GALNT13: variants seen among roughly 807,000 people sequenced by gnomAD.
GALNT13 encodes the protein polypeptide N-acetylgalactosaminyltransferase 13.
In GALNT13, 28 loss-of-function variants were observed where a neutral mutation model predicts 64.2. The observed-to-expected ratio is 0.44, with a 90% confidence interval of 0.32 to 0.60. The LOEUF is 0.60. Among genes scored for constraint, GALNT13 ranks in the 20% least tolerant of loss-of-function variants. GALNT13 has a pLI of 0.05. For missense variants in GALNT13, 577 were observed against 669.8 expected, an observed-to-expected ratio of 0.86 and a Z score of 1.53; for synonymous variants, 214 against 224.6, an observed-to-expected ratio of 0.95 and a Z score of 0.42.
At chr2:153,646,243 A>G in the GALNT13 span, among the ~76,000 whole-genome samples, 2 of 152,142 alleles carry the variant, frequency 1.3e-5, no homozygotes, top group Non-Finnish European at 2.9e-5. Context: ...AAAAGCCTTT[A>G]TAAGTAATCT....
At chr2:153,589,543 G>A in the GALNT13 span, among the ~76,000 whole-genome samples, 1 of 152,098 alleles carries the variant, frequency 6.6e-6, no homozygotes, top group Non-Finnish European at 1.5e-5. Flanking sequence ...TTATTAGTCT[G>A]TTCTCATGCT....
Position 154,040,164 on chromosome 2 carries a change from TG to T in GALNT13, c.142+95526del, listed in dbSNP as rs1300767480. Among the ~76,000 whole-genome samples, 4 of 140,878 alleles carry T rather than the reference TG, an allele frequency of 2.8e-5. 1 individual carries two copies. Among genetic ancestry groups the T allele is most frequent in the African/African-American group, 9.8e-5 (4 of 40,870 alleles). 92.4% of individuals were successfully genotyped at this position (140,878 alleles called of 152,430 possible). ...ATGGTTCCTGTCTCCAGTGAGTTAT[TG>T]TCCAATGCAGAAGAAAGATACACAC... On this transcript the variant is annotated intron_variant, in intron 3 of 12. Transcript: ENST00000392825.
the GALNT13 span, among the ~76,000 whole-genome samples, chr2:153,462,064 G>T: frequency 6.6e-6 from 1 of 151,764 alleles, no homozygotes; most frequent in Non-Finnish European, 1.5e-5. Context: ...TTACTGTTGC[G>T]CATCCCATAG....
intron 11 of GALNT13, among the ~76,000 whole-genome samples, chr2:154,418,423 G>A (rs72872400): frequency 1.6e-4 from 25 of 152,226 alleles, no homozygotes; most frequent in Admixed American, 4.6e-4. Context: ...CTAGATAGCC[G>A]CGCTACCACA....
chr2:153,777,845 T>C, the GALNT13 span, among the ~76,000 whole-genome samples: 2 of 152,142 alleles, frequency 1.3e-5, no homozygotes, highest in African/African-American at 4.8e-5. Flanking sequence ...CTTGGGTTAG[T>C]CAGCTCAGTT....
the GALNT13 span, among the ~76,000 whole-genome samples, chr2:153,458,441 A>G: frequency 4.6e-5 from 7 of 152,214 alleles, no homozygotes; most frequent in East Asian, 9.7e-4. Flanking sequence ...TTTGTGTCTA[A>G]TAAACTCCCT....
At chr2:154,361,053 G>C (rs1024285518) in intron 9 of GALNT13, among the ~76,000 whole-genome samples, 1 of 152,082 alleles carries the variant, frequency 6.6e-6, no homozygotes, top group African/African-American at 2.4e-5. Context: ...GTGAGTGGTG[G>C]GGAAGAAAGT....
intron 9 of GALNT13, among the ~76,000 whole-genome samples, chr2:154,329,991 G>T (rs1695081345): frequency 6.6e-6 from 1 of 151,980 alleles, no homozygotes; most frequent in African/African-American, 2.4e-5. Flanking sequence ...AAATTACCTG[G>T]CCTCAGGTAT....
the GALNT13 span, among the ~76,000 whole-genome samples, chr2:153,594,252 ACT>A: frequency 1.3e-5 from 2 of 152,116 alleles, no homozygotes; most frequent in East Asian, 1.9e-4. Context: ...TGCTCACAGC[ACT>A]CTTCTAAAAC....
chr2:153,157,245 A>G, the GALNT13 span, among the ~76,000 whole-genome samples: 2 of 152,138 alleles, frequency 1.3e-5, no homozygotes, highest in Admixed American at 6.6e-5. Flanking sequence ...TATTATTACA[A>G]TTTATTATTT....
chr2:154,325,556 C>T (rs1387790887), intron 9 of GALNT13, among the ~76,000 whole-genome samples: 2 of 151,944 alleles, frequency 1.3e-5, no homozygotes, highest in East Asian at 1.9e-4. Context: ...ATCATGTGTC[C>T]CCCTAATTAT....
the GALNT13 span, among the ~76,000 whole-genome samples, chr2:153,645,682 A>G: frequency 6.6e-6 from 1 of 152,114 alleles, no homozygotes; most frequent in African/African-American, 2.4e-5. Context: ...GCTTTCAGGG[A>G]CAACTGAAAT....
At chr2:153,854,593 A>C in the GALNT13 span, among the ~76,000 whole-genome samples, 9 of 152,226 alleles carry the variant, frequency 5.9e-5, no homozygotes, top group Non-Finnish European at 1.0e-4. Flanking sequence ...AAAAAACCCC[A>C]AAAATTTATC....
chr2:153,318,122 GT>G, the GALNT13 span, among the ~76,000 whole-genome samples: 7 of 144,828 alleles, frequency 4.8e-5, no homozygotes, highest in African/African-American at 1.8e-4. Flanking sequence ...TATTAGGAGA[GT>G]TTTTTTTTTT....
chr2:153,955,221 A>C (rs1692479593), intron 3 of GALNT13, among the ~76,000 whole-genome samples: 1 of 152,224 alleles, frequency 6.6e-6, no homozygotes, highest in Non-Finnish European at 1.5e-5. Context: ...CCCAAAGCTT[A>C]ATAAAAATAT....
chr2:153,453,686 G>A, the GALNT13 span, among the ~76,000 whole-genome samples: 1 of 152,276 alleles, frequency 6.6e-6, no homozygotes, highest in East Asian at 1.9e-4. Flanking sequence ...AATTAGTTCA[G>A]CCACTGTGGA....
the GALNT13 span, among the ~76,000 whole-genome samples, chr2:153,274,792 A>G: frequency 3.3e-5 from 5 of 152,282 alleles, no homozygotes; most frequent in Admixed American, 6.5e-5. Context: ...GTTGTTTTCA[A>G]TCTCTTAACT....
At chr2:153,346,585 T>C in the GALNT13 span, among the ~76,000 whole-genome samples, 1 of 152,208 alleles carries the variant, frequency 6.6e-6, no homozygotes, top group African/African-American at 2.4e-5. Flanking sequence ...AAAACATGCA[T>C]TTTAATTTGG....
chr2:153,675,361 C>G, the GALNT13 span, among the ~76,000 whole-genome samples: 1 of 152,192 alleles, frequency 6.6e-6, no homozygotes, highest in Non-Finnish European at 1.5e-5. Context: ...GAATACTATG[C>G]AGCCATAAAA....
Sources: gnomAD v4.1 joint callset for allele counts (sites outside exome capture counted in the v4.1 genomes callset) on GRCh38, gnomAD v4.1.1 for gene constraint, MANE v1.5 for transcripts, NCBI Gene and HGNC (gene_info 2026-07-23, HGNC 2026-07-21) for gene names.